Variants in RIMS1 observed in about 807,000 individuals in gnomAD.
The protein encoded by RIMS1 is regulating synaptic membrane exocytosis protein 1.
Under a neutral mutation model 214.1 loss-of-function variants are expected in RIMS1, and 83 were observed. That is an observed-to-expected ratio of 0.39 (90% CI 0.32 to 0.47). The LOEUF is 0.47. Among genes scored for constraint, RIMS1 ranks in the 20% least tolerant of loss-of-function variants. The pLI is 0.99. For missense variants in RIMS1, 2,050 were observed against 2,161.8 expected (o/e 0.95, Z 1.03); for synonymous variants, 793 against 786.8 (o/e 1.01, Z -0.13).
chr6:72,206,786 C>T (rs1260029786), intron 6 of RIMS1, among the ~76,000 whole-genome samples: 1 of 152,150 alleles, frequency 6.6e-6, no homozygotes, highest in Admixed American at 6.5e-5. Flanking sequence ...GAGCTTTAGG[C>T]CTGGACTGAC....
At chr6:71,978,846 G>GA (rs999124073) in intron 2 of RIMS1, among the ~76,000 whole-genome samples, 4 of 151,638 alleles carry the variant, frequency 2.6e-5, no homozygotes, top group South Asian at 2.1e-4. Flanking sequence ...GTCCAACTAG[G>GA]AAAAAAAATG....
intron 29 of RIMS1, among the ~76,000 whole-genome samples, chr6:72,387,166 T>C (rs2098626570): frequency 6.6e-6 from 1 of 152,082 alleles, no homozygotes; most frequent in South Asian, 2.1e-4. Context: ...CCATAAATAT[T>C]TGTAGGATAG....
chr6:71,960,817 A>G (rs1233940667), intron 1 of RIMS1, among the ~76,000 whole-genome samples: 2 of 152,152 alleles, frequency 1.3e-5, no homozygotes, highest in Admixed American at 1.3e-4. Context: ...TAGAGTTAGA[A>G]GCCTGGCAGA....
intron 4 of RIMS1, among the ~76,000 whole-genome samples, chr6:72,103,945 C>A (rs925921419): frequency 3.3e-5 from 5 of 152,020 alleles, no homozygotes; most frequent in Non-Finnish European, 1.5e-5. Context: ...AACTTTTATT[C>A]ATACATAAAA....
intron 11 of RIMS1, 91 bp from the exon 12 acceptor site, chr6:72,247,923 AT>A (rs756727937): frequency 1.0e-4 from 81 of 810,748 alleles, no homozygotes; most frequent in Non-Finnish European, 1.6e-4. Context: ...GATAGTAATT[AT>A]GGTTTTATAC....
intron 1 of RIMS1, among the ~76,000 whole-genome samples, chr6:71,923,659 C>A (rs1168856786): frequency 6.6e-6 from 1 of 151,960 alleles, no homozygotes; most frequent in Non-Finnish European, 1.5e-5. Context: ...CACAGCCTCT[C>A]AGGTTCAAGC....
chr6:72,281,209 A>T (rs1488664513), intron 23 of RIMS1, among the ~76,000 whole-genome samples: 1 of 152,176 alleles, frequency 6.6e-6, no homozygotes, highest in African/African-American at 2.4e-5. Flanking sequence ...TCTAACTCTC[A>T]ATTTTCTTAT....
intron 29 of RIMS1, among the ~76,000 whole-genome samples, chr6:72,342,338 G>T (rs2097122110): frequency 1.3e-5 from 2 of 151,658 alleles, no homozygotes; most frequent in Non-Finnish European, 2.9e-5. Flanking sequence ...GGAAAGGCTA[G>T]AACAGGATGT....
intron 31 of RIMS1, among the ~76,000 whole-genome samples, chr6:72,394,204 T>C (rs1025997916): frequency 2.6e-5 from 4 of 152,140 alleles, no homozygotes; most frequent in African/African-American, 9.7e-5. Flanking sequence ...GAATACCTAA[T>C]GGGTTTGATT....
At chr6:71,999,850 A>C (rs566321939) in intron 2 of RIMS1, among the ~76,000 whole-genome samples, 1 of 152,178 alleles carries the variant, frequency 6.6e-6, no homozygotes, top group African/African-American at 2.4e-5. Context: ...TATCGTTCTC[A>C]TAATTGGATG....
chr6:72,025,880 C>T (rs142456207), intron 2 of RIMS1, among the ~76,000 whole-genome samples: 25 of 152,292 alleles, frequency 1.6e-4, no homozygotes, highest in Middle Eastern at 3.4e-3. Context: ...CAAAGTGATT[C>T]ACTGATATGA....
chr6:71,924,151 T>C (rs1257921422), intron 1 of RIMS1, among the ~76,000 whole-genome samples: 5 of 152,212 alleles, frequency 3.3e-5, no homozygotes, highest in Non-Finnish European at 7.3e-5. Flanking sequence ...AATTCTACCA[T>C]CAAAATATCT....
intron 3 of RIMS1, 61 bp downstream of exon 3, chr6:72,097,223 A>G: frequency 1.4e-6 from 2 of 1,411,006 alleles, no homozygotes; most frequent in South Asian, 2.3e-5. Flanking sequence ...TACGCCTTCC[A>G]AACATGAGAA....
At chr6:72,196,685 G>C (rs71557813) in intron 6 of RIMS1, among the ~76,000 whole-genome samples, 2 of 140,260 alleles carry the variant, frequency 1.4e-5, no homozygotes, top group Non-Finnish European at 3.0e-5. Context: ...TACTCCATGA[G>C]ACTCCCATAA....
chr6:72,268,265 C>T (rs1394324961), intron 22 of RIMS1, among the ~76,000 whole-genome samples: 4 of 151,894 alleles, frequency 2.6e-5, no homozygotes, highest in African/African-American at 9.7e-5. Flanking sequence ...AGACAGTATG[C>T]GGAGAGTATG....
chr6:71,928,291 T>C (rs551906857), intron 1 of RIMS1, among the ~76,000 whole-genome samples: 1 of 152,158 alleles, frequency 6.6e-6, no homozygotes, highest in Non-Finnish European at 1.5e-5. Flanking sequence ...CGATCATCCT[T>C]TTATTCAGAA....
chr6:72,015,219 G>A (rs1233501716), intron 2 of RIMS1, among the ~76,000 whole-genome samples: 3 of 152,036 alleles, frequency 2.0e-5, no homozygotes, highest in East Asian at 1.9e-4. Flanking sequence ...TTTTGCCTGC[G>A]TTTTGACTGC....
chr6:71,983,195 T>G (rs1798934255), intron 2 of RIMS1, among the ~76,000 whole-genome samples: 1 of 152,166 alleles, frequency 6.6e-6, no homozygotes, highest in African/African-American at 2.4e-5. Context: ...ATGTTCTATT[T>G]GTGTGTTTCT....
intron 4 of RIMS1, among the ~76,000 whole-genome samples, chr6:72,108,320 G>A (rs2035215834): frequency 6.6e-6 from 1 of 152,072 alleles, no homozygotes; most frequent in South Asian, 2.1e-4. Flanking sequence ...GAACTTGTGG[G>A]CTCAAGTGAT....
Sources: gnomAD v4.1 joint callset for allele counts (sites outside exome capture counted in the v4.1 genomes callset) on GRCh38, gnomAD v4.1.1 for gene constraint, MANE v1.5 for transcripts, NCBI Gene and HGNC (gene_info 2026-07-23, HGNC 2026-07-21) for gene names.